PPP2R2C: variants seen among roughly 807,000 people sequenced by gnomAD.
PPP2R2C encodes protein phosphatase 2, regulatory subunit B, gamma.
A neutral mutation model predicts 45.3 loss-of-function variants in PPP2R2C; 10 were observed. That is an observed-to-expected ratio of 0.22 (90% CI 0.14 to 0.37). The LOEUF (loss-of-function observed/expected upper bound fraction) is 0.37. Ranked by LOEUF, PPP2R2C falls within the 10% of genes least tolerant of loss-of-function variation. The probability of loss-of-function intolerance (pLI) is 1.00; values close to 1 mark genes in which losing one functional copy is unlikely to be tolerated. For synonymous variants in PPP2R2C, 257 were observed against 245.4 expected (o/e 1.05, Z -0.44); for missense variants, 308 against 619.7 (o/e 0.50, Z 5.34).
At chr4:6,348,411 A>C (rs1380479258) in intron 5 of PPP2R2C, among the ~76,000 whole-genome samples, 2 of 151,910 alleles carry the variant, frequency 1.3e-5, no homozygotes, top group African/African-American at 4.8e-5. Flanking sequence ...TGCCGACTGC[A>C]TGCTGGGCAG....
chr4:6,419,812 G>A (rs1718846739), intron 1 of PPP2R2C, among the ~76,000 whole-genome samples: 1 of 152,140 alleles, frequency 6.6e-6, no homozygotes, highest in South Asian at 2.1e-4. Context: ...CTTCTGGTGT[G>A]TAGATAAATC....
Position 6,347,835 on chromosome 4 carries a change from C to T in PPP2R2C, c.790+11G>A. On this transcript the variant is annotated intron_variant, in intron 6 of 8. Transcript: ENST00000382599. ...ATGCACAGCCCCCCACCCCCAGGCA[C>T]CGGCACTTACGCTTGGAATGCTTGT... The T allele has an allele frequency of 2.5e-6, 4 of 1,601,404 alleles. No individual in the cohort carries two copies. Among genetic ancestry groups the T allele is most frequent in the Non-Finnish European group, 3.4e-6 (4 of 1,176,358 alleles).
At chr4:6,396,173 C>G (rs556364875) in intron 1 of PPP2R2C, among the ~76,000 whole-genome samples, 1 of 152,314 alleles carries the variant, frequency 6.6e-6, no homozygotes, top group Admixed American at 6.5e-5. Context: ...CACCCAGGAG[C>G]AGGCTGCTTC....
chr4:6,375,581 A>ATAGC (rs1715232075), intron 4 of PPP2R2C, among the ~76,000 whole-genome samples: 1 of 152,316 alleles, frequency 6.6e-6, no homozygotes, highest in South Asian at 2.1e-4. Context: ...AAAGCACTTT[A>ATAGC]CAGCCATACA....
intron 1 of PPP2R2C, among the ~76,000 whole-genome samples, chr4:6,394,992 C>T (rs562479684): frequency 2.6e-5 from 4 of 152,292 alleles, no homozygotes; most frequent in Non-Finnish European, 2.9e-5. Flanking sequence ...CAGCAGCCCC[C>T]CTCCGCCCAC....
At chr4:6,451,915 T>C (rs936114971) in intron 1 of PPP2R2C, among the ~76,000 whole-genome samples, 2 of 152,138 alleles carry the variant, frequency 1.3e-5, no homozygotes, top group African/African-American at 4.8e-5. Flanking sequence ...GGCCTGGCTA[T>C]AGGACAAAGT....
chr4:6,484,177 T>C (rs1322723982), intron 2 of PPP2R2C, among the ~76,000 whole-genome samples: 1 of 152,042 alleles, frequency 6.6e-6, no homozygotes, highest in Non-Finnish European at 1.5e-5. Context: ...TGGTACAAAA[T>C]ATGGATTGAA....
chr4:6,561,918 C>T (rs1725590216), intron 1 of PPP2R2C, among the ~76,000 whole-genome samples: 1 of 152,234 alleles, frequency 6.6e-6, no homozygotes. Context: ...ACTCACTAAT[C>T]GACAGTCAAC....
intron 5 of PPP2R2C, among the ~76,000 whole-genome samples, chr4:6,365,759 T>G (rs1714246502): frequency 6.6e-6 from 1 of 152,184 alleles, no homozygotes; most frequent in Middle Eastern, 3.2e-3. Flanking sequence ...GGACCTGCTC[T>G]GTAAATGGGA....
At chr4:6,538,775 A>G (rs953366503) in intron 1 of PPP2R2C, among the ~76,000 whole-genome samples, 2 of 152,202 alleles carry the variant, frequency 1.3e-5, no homozygotes, top group Non-Finnish European at 2.9e-5. Context: ...AAGGCAGCAG[A>G]CGCGTGGAGC....
At chr4:6,422,510 G>C (rs994069502) in intron 1 of PPP2R2C, among the ~76,000 whole-genome samples, 1 of 152,234 alleles carries the variant, frequency 6.6e-6, no homozygotes, top group Non-Finnish European at 1.5e-5. Context: ...GCCCCAGACT[G>C]TGCCACTTAA....
chr4:6,463,813 C>A (rs997066576), intron 1 of PPP2R2C, among the ~76,000 whole-genome samples: 2 of 152,234 alleles, frequency 1.3e-5, no homozygotes, highest in African/African-American at 4.8e-5. Context: ...CTGCCACTGC[C>A]ATCTACCTGT....
At chr4:6,517,755 C>T (rs2108810980) in intron 2 of PPP2R2C, among the ~76,000 whole-genome samples, 1 of 152,280 alleles carries the variant, frequency 6.6e-6, no homozygotes, top group South Asian at 2.1e-4. Flanking sequence ...ACCTTGGAGC[C>T]CAGTGTGGGA....
chr4:6,426,901 T>C (rs1719362579), intron 1 of PPP2R2C, among the ~76,000 whole-genome samples: 1 of 152,226 alleles, frequency 6.6e-6, no homozygotes, highest in Non-Finnish European at 1.5e-5. Context: ...GAGGCAGCTG[T>C]CTCACTGGGG....
chr4:6,534,557 C>G (rs752680514), intron 2 of PPP2R2C, among the ~76,000 whole-genome samples: 1 of 151,796 alleles, frequency 6.6e-6, no homozygotes, highest in Non-Finnish European at 1.5e-5. Context: ...ACATACATGC[C>G]CCACCATACA....
At chr4:6,468,554 G>A (rs1721701585) in intron 1 of PPP2R2C, among the ~76,000 whole-genome samples, 2 of 152,132 alleles carry the variant, frequency 1.3e-5, no homozygotes, top group Admixed American at 6.5e-5. Context: ...CTCCGGAAGT[G>A]CCTTACCTGT....
intron 1 of PPP2R2C, among the ~76,000 whole-genome samples, chr4:6,406,493 C>T (rs1176752382): frequency 6.6e-6 from 1 of 152,174 alleles, no homozygotes; most frequent in African/African-American, 2.4e-5. Flanking sequence ...ACTTTGGGAG[C>T]CCAATGCGGG....
intron 5 of PPP2R2C, chr4:6,349,733 C>T (rs1712359672): frequency 3.1e-6 from 2 of 635,804 alleles, no homozygotes; most frequent in South Asian, 7.8e-5. Flanking sequence ...AAAACCCCAT[C>T]TCTACTAAAA....
At chr4:6,421,310 C>G (rs10026710) in intron 1 of PPP2R2C, among the ~76,000 whole-genome samples, 3,444 of 152,224 alleles carry the variant, frequency 0.023, 163 homozygotes, top group African/African-American at 0.079. Context: ...CCTGGCCTGC[C>G]AAAGACAAGC....
Sources: allele counts gnomAD v4.1 joint callset (sites outside exome capture counted in the v4.1 genomes callset), GRCh38; gene constraint gnomAD v4.1.1; transcripts MANE v1.5; gene names NCBI Gene and HGNC (gene_info 2026-07-23, HGNC 2026-07-21).